LPXN: variants seen among roughly 807,000 people sequenced by gnomAD.
LPXN encodes leupaxin.
A neutral mutation model predicts 45.6 loss-of-function variants in LPXN; 28 were observed. That is an observed-to-expected ratio of 0.61 (90% CI 0.45 to 0.84). The LOEUF (loss-of-function observed/expected upper bound fraction) is 0.84, where lower values mean the gene tolerates loss of function less well. Among genes scored for constraint, LPXN ranks in the 40% least tolerant of loss-of-function variants. The pLI, the probability that LPXN is intolerant of heterozygous loss-of-function variation, is 0.00. For missense variants in LPXN, 459 were observed against 475.0 expected (o/e 0.97, Z 0.31); for synonymous variants, 166 against 169.9 (o/e 0.98, Z 0.18).
chr11:58,571,002 A>G (rs1366257693), intron 1 of LPXN, among the ~76,000 whole-genome samples: 3 of 152,184 alleles, frequency 2.0e-5, no homozygotes, highest in African/African-American at 4.8e-5. Flanking sequence ...ATTAATTTTC[A>G]TCATTCATTT....
chr11:58,550,920 TTAGC>T, intron 5 of LPXN, 141 bp downstream of exon 5: 1 of 646,094 alleles, frequency 1.5e-6, no homozygotes, highest in Non-Finnish European at 2.4e-6. Flanking sequence ...TGTAAAGCAC[TTAGC>T]TCAGTGGCCA....
rs983980568 is a variant in LPXN, at chr11:58,527,279, A to T, written c.*175T>A. ...GAATTAACTGTATAGAAGCCTAAAA[A>T]ATAAGATTATCAGCCTAGTCATGTA... On this transcript the variant is annotated 3_prime_UTR_variant, in exon 9 of 9. Transcript: ENST00000395074. The T allele has an allele frequency of 1.1e-4, 67 of 626,634 alleles. No homozygotes were observed. In the African/African-American group the frequency reaches 1.2e-3, roughly 11 times the overall value. 38.8% of individuals were successfully genotyped at this position (626,634 alleles called of 1,614,324 possible).
At chr11:58,567,739 A>G (rs940464460) in intron 2 of LPXN, among the ~76,000 whole-genome samples, 21 of 152,364 alleles carry the variant, frequency 1.4e-4, no homozygotes, top group African/African-American at 4.8e-4. Flanking sequence ...TGCATGGTAC[A>G]TGGTAAATAT....
intron 3 of LPXN, among the ~76,000 whole-genome samples, chr11:58,557,631 A>G (rs1470098076): frequency 6.6e-6 from 1 of 152,202 alleles, no homozygotes; most frequent in Non-Finnish European, 1.5e-5. Flanking sequence ...GATCTAATGT[A>G]CAACATAAGA....
intron 1 of LPXN, among the ~76,000 whole-genome samples, chr11:58,571,568 G>GA: frequency 6.6e-6 from 1 of 151,012 alleles, no homozygotes; most frequent in African/African-American, 2.4e-5. Flanking sequence ...GGTGTGGAGA[G>GA]AAAAAATGGT....
intron 3 of LPXN, among the ~76,000 whole-genome samples, chr11:58,561,058 A>C (rs549481279): frequency 2.0e-5 from 3 of 152,306 alleles, no homozygotes; most frequent in South Asian, 4.1e-4. Context: ...TCATGTTTGT[A>C]ATCAACATTA....
intron 2 of LPXN, among the ~76,000 whole-genome samples, chr11:58,568,602 CA>C (rs34133979): frequency 0.3 from 40,138 of 131,914 alleles, 5,365 homozygotes; most frequent in Middle Eastern, 0.42. Context: ...GACTCCATCT[CA>C]AAAAAAAAAA....
intron 7 of LPXN, among the ~76,000 whole-genome samples, chr11:58,549,478 A>G (rs1178524016): frequency 1.3e-5 from 2 of 152,238 alleles, no homozygotes; most frequent in African/African-American, 4.8e-5. Context: ...TTTGGAGAGG[A>G]GAACTGGATT....
intron 2 of LPXN, among the ~76,000 whole-genome samples, chr11:58,564,647 ATTGAGGGCC>A: frequency 6.6e-6 from 1 of 152,200 alleles, no homozygotes; most frequent in African/African-American, 2.4e-5. Context: ...ACAAATATGT[ATTGAGGGCC>A]TGTCATGTGC....
intron 1 of LPXN, among the ~76,000 whole-genome samples, chr11:58,572,038 G>A (rs1462309123): frequency 2.0e-5 from 3 of 152,110 alleles, no homozygotes; most frequent in Admixed American, 2.0e-4. Flanking sequence ...AAGGCAATTT[G>A]ATTAGAACAG....
At chr11:58,568,366 G>C (rs1854583951) in intron 2 of LPXN, among the ~76,000 whole-genome samples, 1 of 152,192 alleles carries the variant, frequency 6.6e-6, no homozygotes, top group South Asian at 2.1e-4. Context: ...ACTTTGGGAA[G>C]CTGAGGCAGG....
intron 7 of LPXN, among the ~76,000 whole-genome samples, chr11:58,529,474 G>T (rs1211754890): frequency 6.6e-6 from 1 of 151,910 alleles, no homozygotes; most frequent in Non-Finnish European, 1.5e-5. Context: ...GCCAGGTGTG[G>T]TGGCGAGCGC....
At chr11:58,541,039 CA>C (rs1407239521) in intron 7 of LPXN, among the ~76,000 whole-genome samples, 1 of 152,022 alleles carries the variant, frequency 6.6e-6, no homozygotes, top group African/African-American at 2.4e-5. Context: ...AAAATTAATT[CA>C]AGATGGATTA....
intron 2 of LPXN, among the ~76,000 whole-genome samples, chr11:58,565,219 G>A (rs889146244): frequency 6.6e-6 from 1 of 151,886 alleles, no homozygotes; most frequent in African/African-American, 2.4e-5. Flanking sequence ...GACGGGTCAC[G>A]AGCTTGTATC....
chr11:58,564,094 G>T, intron 3 of LPXN, 61 bp downstream of exon 3: 3 of 1,036,028 alleles, frequency 2.9e-6, no homozygotes, highest in Non-Finnish European at 4.4e-6. Flanking sequence ...CCCAAACAAA[G>T]ATTGATAACA....
At chr11:58,577,989 T>G, upstream of LPXN, 1 of 1,550,022 alleles carries the variant, frequency 6.5e-7, no homozygotes, top group South Asian at 1.2e-5. Flanking sequence ...CGCTGACCTC[T>G]AGGAGCTCAC....
At chr11:58,578,260 C>T, upstream of LPXN, 1 of 530,772 alleles carries the variant, frequency 1.9e-6, no homozygotes, top group Non-Finnish European at 3.3e-6. Context: ...CACTGCCTCC[C>T]GAAAAAAAGG....
In LPXN at chr11:58,528,105, C is replaced by T; in HGVS notation, c.829G>A (p.Val277Met). 6.2e-7 allele frequency: 1 copy of T among 1,614,240 alleles called. No individual in the cohort carries two copies. Among genetic ancestry groups the T allele is most frequent in the Non-Finnish European group, 8.5e-7 (1 of 1,180,048 alleles). ...ATGGCTGAAAGGTAGTTTTCCAACA[C>T]TGGGCGATTGCAGCCACCACACTTG... ...SPKCGGCNRPVLENYLSAMDT... is the reference protein window; with the variant it reads ...SPKCGGCNRPMLENYLSAMDT... The change falls in exon 8 of 9, where the codon GTG becomes ATG. Residue 277 changes from valine (V) to methionine (M), a missense_variant. Physicochemically the swap from Val to Met is conservative, Grantham distance 21. Transcript: ENST00000395074.
chr11:58,549,973 A>T lies in LPXN; in HGVS notation c.660T>A (p.Asp220Glu). Residue 220 changes from aspartate (D) to glutamate (E), a missense_variant and splice_region_variant, in exon 6 of 9, where the codon GAT becomes GAA. Coordinates refer to ENST00000395074, the MANE Select transcript of LPXN (RefSeq NM_004811.3). ...RCAYCAAPIL[D>E]KVLTAMNQTW... ...TGGAGAGGAGCGGGGATTTACTTAC[A>T]TCCAGGATGGGAGCAGCGCAGTAAG... 6.2e-7 allele frequency: 1 copy of T among 1,614,144 alleles called. No individual in the cohort carries two copies. The highest frequency in any genetic ancestry group is 8.5e-7 in the Non-Finnish European group (1 of 1,179,952).
Sources: gnomAD v4.1 joint callset for allele counts (sites outside exome capture counted in the v4.1 genomes callset) on GRCh38, gnomAD v4.1.1 for gene constraint, MANE v1.5 for transcripts, NCBI Gene and HGNC (gene_info 2026-07-23, HGNC 2026-07-21) for gene names.